SLA: variants seen among roughly 807,000 people sequenced by gnomAD.
SLA encodes the protein Src like adaptor.
In SLA, 16 loss-of-function variants were observed where a neutral mutation model predicts 30.3. The ratio of observed to expected loss-of-function variants is 0.53; its 90% CI spans 0.36 to 0.80. The LOEUF (loss-of-function observed/expected upper bound fraction) is 0.80, where lower values mean the gene tolerates loss of function less well. Ranked by LOEUF, SLA falls within the 30% of genes least tolerant of loss-of-function variation. The pLI, the probability that SLA is intolerant of heterozygous loss-of-function variation, is 0.01. For synonymous variants in SLA, 143 were observed against 137.8 expected (o/e 1.04, Z -0.26); for missense variants, 310 against 345.2 (o/e 0.90, Z 0.81).
intron 1 of SLA, among the ~76,000 whole-genome samples, chr8:133,096,028 C>T (rs1848356803): frequency 6.6e-6 from 1 of 152,200 alleles, no homozygotes. Flanking sequence ...ATTCATTCAC[C>T]CTCCAGCCCC....
At chr8:133,087,684 A>C (rs1479564085) in intron 1 of SLA, 2 of 152,238 alleles carry the variant, frequency 1.3e-5, no homozygotes, top group Non-Finnish European at 2.9e-5. Flanking sequence ...AAAAAGTATA[A>C]AAAGCCAATA....
Position 133,046,811 on chromosome 8 carries a change from A to G in SLA, c.352+1019T>C, listed in dbSNP as rs190350354. On this transcript the variant is annotated intron_variant, in intron 6 of 8. Transcript: ENST00000338087. ...GAAAAGTTGATCGCAGATTTTTTTT[A>G]AATCATATATATGTGGTCCCTGCTT... 7.9e-5 allele frequency among the ~76,000 whole-genome samples: 12 copies of G among 152,250 alleles called. No homozygotes were observed. The East Asian group carries it at 2.3e-3, about 29-fold the overall frequency.
chr8:133,083,216 C>A (rs1444826497), intron 1 of SLA, among the ~76,000 whole-genome samples: 1 of 152,146 alleles, frequency 6.6e-6, no homozygotes, highest in Non-Finnish European at 1.5e-5. Context: ...ATTGGTAATA[C>A]TTTATAACCT....
chr8:133,049,748 G>C (rs142932877), intron 5 of SLA, 154 bp downstream of exon 5: 3 of 639,596 alleles, frequency 4.7e-6, no homozygotes, highest in Admixed American at 4.9e-5. Flanking sequence ...GCCCAAGGTT[G>C]CTCCTTTCCT....
chr8:133,067,512 AC>A (rs1843200512), intron 2 of SLA, among the ~76,000 whole-genome samples: 1 of 152,124 alleles, frequency 6.6e-6, no homozygotes, highest in Admixed American at 6.5e-5. Context: ...GATATTTCAA[AC>A]ACCTGGAATC....
intron 1 of SLA, among the ~76,000 whole-genome samples, chr8:133,101,241 G>T (rs1049682522): frequency 1.3e-5 from 2 of 152,202 alleles, no homozygotes; most frequent in African/African-American, 4.8e-5. Context: ...GGGCACAGTG[G>T]ACAACCAAGT....
intron 4 of SLA, 83 bp downstream of exon 4, chr8:133,050,733 T>C (rs1840243377): frequency 3.3e-6 from 3 of 902,856 alleles, no homozygotes; most frequent in South Asian, 2.8e-5. Context: ...ACTAGACCAC[T>C]CTAGCTAACA....
At chr8:133,050,566 T>C (rs543331033) in intron 4 of SLA, 3 of 428,142 alleles carry the variant, frequency 7.0e-6, no homozygotes, top group African/African-American at 6.1e-5. Context: ...AGAGGCTGGA[T>C]CATAAAGGAT....
At chr8:133,078,109 G>C (rs1845182475) in intron 1 of SLA, among the ~76,000 whole-genome samples, 1 of 152,180 alleles carries the variant, frequency 6.6e-6, no homozygotes, top group African/African-American at 2.4e-5. Flanking sequence ...CATCTAAGAA[G>C]CTGCTGTGTA....
At chr8:133,061,971 A>G (rs1370491881) in intron 2 of SLA, among the ~76,000 whole-genome samples, 1 of 152,238 alleles carries the variant, frequency 6.6e-6, no homozygotes, top group Non-Finnish European at 1.5e-5. Flanking sequence ...AGACATTTAC[A>G]TGAACAACTT....
intron 3 of SLA, 128 bp downstream of exon 3, chr8:133,059,972 C>G: frequency 4.4e-6 from 4 of 908,138 alleles, no homozygotes; most frequent in Non-Finnish European, 4.9e-6. Flanking sequence ...ACTAGAGAGA[C>G]AGATATAATG....
intron 4 of SLA, 99 bp downstream of exon 4, chr8:133,050,717 T>G (rs1263176845): frequency 2.5e-6 from 2 of 791,976 alleles, no homozygotes; most frequent in Non-Finnish European, 4.4e-6. Context: ...CCAGGACTCA[T>G]GTGGAACTAG....
At position 133,050,934 on chromosome 8, in the gene SLA, G is replaced by T; in HGVS notation, c.62-19C>A. ...TCCAGTCCTGGGGAAACAAAGGCAA[G>T]GGGGAAGGGGGCAAGGTGCTTTTTA... On this transcript the variant is annotated intron_variant, in intron 3 of 8. Coordinates refer to ENST00000338087, the MANE Select transcript of SLA (RefSeq NM_001045556.3). 1.4e-6 allele frequency: 2 copies of T among 1,457,872 alleles called. No individual in the cohort carries two copies. The highest frequency in any genetic ancestry group is 2.3e-5 in the South Asian group (2 of 87,944). 90.3% of individuals were successfully genotyped at this position (1,457,872 alleles called of 1,614,324 possible).
intron 2 of SLA, among the ~76,000 whole-genome samples, chr8:133,068,423 G>A (rs1301237153): frequency 1.3e-5 from 2 of 152,228 alleles, no homozygotes; most frequent in African/African-American, 4.8e-5. Flanking sequence ...ACATTTTAAG[G>A]TCATTTTAAG....
chr8:133,050,817 C>T lies in SLA; in HGVS notation c.160G>A (p.Asp54Asn). The change falls in exon 4 of 9, where the codon GAT (aspartate) becomes AAT (asparagine). Residue 54 changes from aspartate to asparagine, a missense_variant and splice_region_variant. Transcript: ENST00000338087. ...RRGEKLRVISDEGGWWKAISL... is the reference protein window; with the variant it reads ...RRGEKLRVISNEGGWWKAISL... ...ACAAGTTTTGGAGAGCTGACTCACT[C>T]AGAAATCACACGCAGTTTCTCCCCT... 6.3e-7 allele frequency: 1 copy of T among 1,599,020 alleles called. No individual in the cohort carries two copies. Among genetic ancestry groups the T allele is most frequent in the Non-Finnish European group, 8.6e-7 (1 of 1,166,130 alleles).
chr8:133,069,756 T>C (rs1175372504), intron 2 of SLA, among the ~76,000 whole-genome samples: 3 of 151,922 alleles, frequency 2.0e-5, no homozygotes, highest in African/African-American at 7.3e-5. Context: ...ATCCCAGCAC[T>C]TTAGGAGGCT....
intron 6 of SLA, chr8:133,047,548 A>G: frequency 2.2e-6 from 1 of 459,032 alleles, no homozygotes; most frequent in Non-Finnish European, 4.0e-6. Flanking sequence ...CACTGCGTTC[A>G]GTTTTGTTCT....
At chr8:133,039,854 A>G in intron 8 of SLA, 144 bp downstream of exon 8, 2 of 1,403,612 alleles carry the variant, frequency 1.4e-6, no homozygotes, top group Non-Finnish European at 9.5e-7. Context: ...GGGGGTGCTC[A>G]CCCCCCAGTT....
intron 2 of SLA, chr8:133,060,441 G>A: frequency 1.4e-6 from 2 of 1,388,408 alleles, no homozygotes; most frequent in South Asian, 1.4e-5. Flanking sequence ...TGCTGTTGGT[G>A]GCAAAAGTTT....
Sources: gnomAD v4.1 joint callset for allele counts (sites outside exome capture counted in the v4.1 genomes callset) on GRCh38, gnomAD v4.1.1 for gene constraint, MANE v1.5 for transcripts, NCBI Gene and HGNC (gene_info 2026-07-23, HGNC 2026-07-21) for gene names.